The following AGBL4 variants were observed in gnomAD, a reference collection of about 807,000 sequenced individuals.
The protein encoded by AGBL4 is AGBL carboxypeptidase 4.
A neutral mutation model predicts 66.4 loss-of-function variants in AGBL4; 58 were observed. The observed-to-expected ratio is 0.87, with a 90% CI of 0.71 to 1.09. The LOEUF (loss-of-function observed/expected upper bound fraction) is 1.09. Ranked by LOEUF, AGBL4 falls within the 50% of genes least tolerant of loss-of-function variation. AGBL4 has a pLI of 0.00. For missense variants in AGBL4, 579 were observed against 631.0 expected, an observed-to-expected ratio of 0.92 and a Z score of 0.88; for synonymous variants, 234 against 222.9, an observed-to-expected ratio of 1.05 and a Z score of -0.44.
At chr1:48,938,115 G>A (rs1216400396) in intron 5 of AGBL4, among the ~76,000 whole-genome samples, 1 of 152,160 alleles carries the variant, frequency 6.6e-6, no homozygotes, top group Non-Finnish European at 1.5e-5. Flanking sequence ...CATTCAAGAA[G>A]TATTGCTTTC....
intron 5 of AGBL4, among the ~76,000 whole-genome samples, chr1:48,924,707 T>C (rs2148895799): frequency 6.6e-6 from 1 of 152,258 alleles, no homozygotes; most frequent in South Asian, 2.1e-4. Context: ...AGTATAATTC[T>C]GCAGCCTGAG....
chr1:48,731,826 TTA>T (rs1433418918), intron 6 of AGBL4, among the ~76,000 whole-genome samples: 1 of 152,176 alleles, frequency 6.6e-6, no homozygotes, highest in Non-Finnish European at 1.5e-5. Context: ...TATGGCATGT[TTA>T]GAAGCTTACC....
At chr1:48,869,471 G>A (rs1317446662) in intron 5 of AGBL4, among the ~76,000 whole-genome samples, 2 of 152,118 alleles carry the variant, frequency 1.3e-5, no homozygotes, top group East Asian at 3.9e-4. Context: ...GATCACAGTT[G>A]GTGAAGATGG....
chr1:49,317,319 T>C (rs1001081187), intron 3 of AGBL4, among the ~76,000 whole-genome samples: 8 of 151,940 alleles, frequency 5.3e-5, no homozygotes, highest in African/African-American at 1.9e-4. Context: ...ACTTTGCCTT[T>C]CTAAGCCTCA....
chr1:49,351,805 G>A (rs1557862505), intron 3 of AGBL4, among the ~76,000 whole-genome samples: 1 of 152,102 alleles, frequency 6.6e-6, no homozygotes, highest in Non-Finnish European at 1.5e-5. Flanking sequence ...TTCTGGCCAA[G>A]TTATTTCTTC....
intron 4 of AGBL4, among the ~76,000 whole-genome samples, chr1:49,111,351 A>C (rs1004426784): frequency 1.8e-4 from 28 of 152,148 alleles, no homozygotes; most frequent in Non-Finnish European, 4.4e-5. Flanking sequence ...TGACCTCCTG[A>C]TCCGCCCGCC....
rs758098183 is a variant in AGBL4 at position 48,736,415 on chromosome 1, T to C, written c.635-73174A>G. Reference sequence around the variant, plus strand: ...TTGGGTTACTTGTAGCTGGTGCCATTTCTCCTCATCAACCCAAATCCCGCT... The same window carrying C: ...TTGGGTTACTTGTAGCTGGTGCCATCTCTCCTCATCAACCCAAATCCCGCT... On this transcript the variant is annotated intron_variant, in intron 6 of 13. Coordinates refer to ENST00000371839, the MANE Select transcript of AGBL4 (RefSeq NM_032785.4). This position sits in a 1 kb window ranked among gnomAD's most constrained non-coding sequence, Gnocchi z 4.0. 2 of 1,614,160 alleles carry C rather than the reference T, an allele frequency of 1.2e-6. No homozygotes were observed. Among genetic ancestry groups the C allele is most frequent in the East Asian group, 4.5e-5 (2 of 44,874 alleles).
intron 4 of AGBL4, among the ~76,000 whole-genome samples, chr1:49,232,002 A>G (rs1023576774): frequency 1.3e-5 from 2 of 152,148 alleles, no homozygotes; most frequent in Non-Finnish European, 2.9e-5. Context: ...TATTAAATGC[A>G]GTTTTGACTT....
At chr1:48,675,895 G>A (rs1646357369) in intron 6 of AGBL4, among the ~76,000 whole-genome samples, 1 of 152,174 alleles carries the variant, frequency 6.6e-6, no homozygotes, top group African/African-American at 2.4e-5. Flanking sequence ...TAAATTCTAG[G>A]CCATGCCATC....
At chr1:49,091,608 GA>G (rs1176973241) in intron 4 of AGBL4, among the ~76,000 whole-genome samples, 1 of 152,128 alleles carries the variant, frequency 6.6e-6, no homozygotes, top group Admixed American at 6.6e-5. Context: ...AACTACTGTG[GA>G]AAGCAGTATG....
At chr1:49,130,627 T>C (rs1429172531) in intron 4 of AGBL4, among the ~76,000 whole-genome samples, 3 of 152,070 alleles carry the variant, frequency 2.0e-5, no homozygotes, top group South Asian at 2.1e-4. Context: ...TAGTTGTAGA[T>C]ATGCGGCATT....
At chr1:49,819,551 A>G (rs1311475699) in intron 2 of AGBL4, among the ~76,000 whole-genome samples, 6 of 152,172 alleles carry the variant, frequency 3.9e-5, no homozygotes, top group Non-Finnish European at 8.8e-5. Context: ...TGATTCCTAG[A>G]TAATACCAAT....
At position 49,738,553 on chromosome 1, in the gene AGBL4, C is replaced by T. The variant is rs180997906; in HGVS notation, c.158-41116G>A. On this transcript the variant is annotated intron_variant, in intron 2 of 13. Coordinates refer to ENST00000371839, the MANE Select transcript of AGBL4 (RefSeq NM_032785.4). ...GTCCCTGTCTGACAGCTTTGAAGAGCGTAGCTATTCTCCCAGCATGCAGCT... is the reference window on the plus strand; with the variant it reads ...GTCCCTGTCTGACAGCTTTGAAGAGTGTAGCTATTCTCCCAGCATGCAGCT... 3.6e-4 allele frequency among the ~76,000 whole-genome samples: 55 copies of T among 152,264 alleles called. 2 individuals carry two copies. In the East Asian group the frequency reaches 9.1e-3, roughly 25 times the overall value.
At chr1:49,070,352 G>T (rs1331393634) in intron 4 of AGBL4, among the ~76,000 whole-genome samples, 1 of 151,930 alleles carries the variant, frequency 6.6e-6, no homozygotes, top group African/African-American at 2.4e-5. Flanking sequence ...CATTCAGTAT[G>T]ATAGTGCCTG....
At chr1:49,686,394 C>A (rs1456387293) in intron 3 of AGBL4, among the ~76,000 whole-genome samples, 9 of 152,312 alleles carry the variant, frequency 5.9e-5, no homozygotes, top group African/African-American at 1.9e-4. Flanking sequence ...AGTTCCAGCC[C>A]CTCAGGGCTA....
At chr1:49,607,409 T>A (rs1488401877) in intron 3 of AGBL4, among the ~76,000 whole-genome samples, 1 of 152,148 alleles carries the variant, frequency 6.6e-6, no homozygotes, top group Non-Finnish European at 1.5e-5. Context: ...ATCCAGATAG[T>A]TAGTTCAGCA....
chr1:49,446,106 C>T (rs1463511764), intron 3 of AGBL4, among the ~76,000 whole-genome samples: 3 of 152,200 alleles, frequency 2.0e-5, no homozygotes, highest in Non-Finnish European at 4.4e-5. Context: ...CCACCTCGGC[C>T]TCCCTAAGTG....
chr1:49,288,953 T>C (rs972772461), intron 3 of AGBL4, among the ~76,000 whole-genome samples: 4 of 151,832 alleles, frequency 2.6e-5, no homozygotes, highest in Non-Finnish European at 5.9e-5. Flanking sequence ...CACAATATCC[T>C]GCATCAACTA....
At chr1:48,537,700 A>C (rs1224151262) in intron 12 of AGBL4, among the ~76,000 whole-genome samples, 1 of 152,234 alleles carries the variant, frequency 6.6e-6, no homozygotes, top group Non-Finnish European at 1.5e-5. Flanking sequence ...TGCAAGAAAA[A>C]AATGATTAAG....
Sources: gnomAD v4.1 joint callset for allele counts (sites outside exome capture counted in the v4.1 genomes callset) on GRCh38, gnomAD v4.1.1 for gene constraint, Gnocchi (gnomAD v3.1) non-coding constraint, MANE v1.5 for transcripts, NCBI Gene and HGNC (gene_info 2026-07-23, HGNC 2026-07-21) for gene names.